Variants in SLC1A6 observed in about 807,000 individuals in gnomAD.
The protein encoded by SLC1A6 is excitatory amino acid transporter 4.
SLC1A6 carries 15 observed loss-of-function variants against 42.1 expected under a neutral mutation model. The observed-to-expected ratio is 0.36, with a 90% CI of 0.24 to 0.55. The LOEUF (loss-of-function observed/expected upper bound fraction) is 0.55. Ranked by LOEUF, SLC1A6 falls within the 20% of genes least tolerant of loss-of-function variation. SLC1A6 has a pLI of 0.88. For missense variants in SLC1A6, 542 were observed against 772.5 expected (o/e 0.70, Z 3.54); for synonymous variants, 317 against 319.7 (o/e 0.99, Z 0.09).
chr19:14,957,418 G>C (rs1032099033), intron 6 of SLC1A6, among the ~76,000 whole-genome samples: 4 of 152,146 alleles, frequency 2.6e-5, no homozygotes, highest in African/African-American at 9.7e-5. Context: ...AGGTGATTAG[G>C]TCATGAGGGT....
At chr19:15,004,040 C>T (rs2045884917) in intron 1 of SLC1A6, among the ~76,000 whole-genome samples, 1 of 152,044 alleles carries the variant, frequency 6.6e-6, no homozygotes, top group Admixed American at 6.6e-5. Context: ...CCTGTAGTCC[C>T]AGCTACTCAG....
At position 14,950,087 on chromosome 19, in the gene SLC1A6, A is replaced by G; in HGVS notation, c.*108T>C. Reference sequence around the variant, plus strand: ...TTTTCCCTCCCCCCTAAATGAGTCAAGCAGAACGTGTGTTCAGCCCACGGT... The same window carrying G: ...TTTTCCCTCCCCCCTAAATGAGTCAGGCAGAACGTGTGTTCAGCCCACGGT... On this transcript the variant is annotated 3_prime_UTR_variant, in exon 10 of 10. Transcript: ENST00000594383. The G allele has an allele frequency of 1.4e-6, 1 of 716,702 alleles. No individual in the cohort carries two copies. The highest frequency in any genetic ancestry group is 1.8e-5 in the African/African-American group (1 of 55,878). The allele number at this position is 716,702 out of a possible 1,614,324, so 44.4% of individuals were successfully genotyped here.
intron 3 of SLC1A6, among the ~76,000 whole-genome samples, chr19:14,971,279 A>G (rs2045637412): frequency 6.6e-6 from 1 of 152,112 alleles, no homozygotes; most frequent in Admixed American, 6.6e-5. Flanking sequence ...AGCCCTCTAA[A>G]GCAAAAGTTT....
intron 1 of SLC1A6, among the ~76,000 whole-genome samples, chr19:15,001,683 C>A (rs151245295): frequency 1.8e-3 from 273 of 152,054 alleles, no homozygotes; most frequent in African/African-American, 6.3e-3. Context: ...TTTCTTGAGA[C>A]AGGGTCTCAC....
intron 1 of SLC1A6, among the ~76,000 whole-genome samples, chr19:14,999,145 T>A (rs1800119060): frequency 6.6e-6 from 1 of 152,144 alleles, no homozygotes; most frequent in Non-Finnish European, 1.5e-5. Context: ...CCCAAAGTGC[T>A]GGGATTACAG....
chr19:14,991,381 T>C (rs2045819128), intron 1 of SLC1A6, among the ~76,000 whole-genome samples: 1 of 152,154 alleles, frequency 6.6e-6, no homozygotes, highest in Non-Finnish European at 1.5e-5. Flanking sequence ...TCCCAGCACT[T>C]TGGGAGGCCA....
At chr19:14,989,389 G>A (rs2045807912) in intron 1 of SLC1A6, among the ~76,000 whole-genome samples, 1 of 151,946 alleles carries the variant, frequency 6.6e-6, no homozygotes, top group African/African-American at 2.4e-5. Flanking sequence ...GGCCTCCCGA[G>A]TAGCTTGAAT....
At chr19:14,998,855 CATTTATTTATTTATTTATTT>C (rs56926151) in intron 1 of SLC1A6, among the ~76,000 whole-genome samples, 232 of 128,212 alleles carry the variant, frequency 1.8e-3, no homozygotes, top group Non-Finnish European at 3.0e-3. Flanking sequence ...TGATAAGAAA[CATTTATTTATTTATTTATTT>C]ATTTATTTAT....
intron 1 of SLC1A6, among the ~76,000 whole-genome samples, chr19:15,006,794 ATT>A (rs1318881877): frequency 1.3e-5 from 2 of 151,816 alleles, no homozygotes; most frequent in Admixed American, 6.6e-5. Context: ...AGAAAAGAAA[ATT>A]TAAAAATAAG....
chr19:14,992,281 G>A (rs550717310), intron 1 of SLC1A6, among the ~76,000 whole-genome samples: 19 of 152,216 alleles, frequency 1.2e-4, no homozygotes, highest in Admixed American at 8.5e-4. Flanking sequence ...CTTAGTCGCC[G>A]GTTTTTTGGT....
intron 1 of SLC1A6, among the ~76,000 whole-genome samples, chr19:14,988,973 C>G (rs1314227956): frequency 6.6e-6 from 1 of 152,110 alleles, no homozygotes; most frequent in Non-Finnish European, 1.5e-5. Context: ...GAGCCATGAT[C>G]GTGCCACTGC....
intron 9 of SLC1A6, among the ~76,000 whole-genome samples, chr19:14,951,268 A>AG (rs1346938193): frequency 3.7e-3 from 509 of 136,022 alleles, no homozygotes; most frequent in African/African-American, 0.012. Context: ...AAAAAAAAAA[A>AG]AAAAAAAAAA....
intron 1 of SLC1A6, among the ~76,000 whole-genome samples, chr19:15,007,354 G>A (rs1334254023): frequency 6.6e-6 from 1 of 152,172 alleles, no homozygotes; most frequent in Non-Finnish European, 1.5e-5. Flanking sequence ...CAGAGACAGG[G>A]AGCAGATGAG....
chr19:14,968,905 T>A lies in SLC1A6; in HGVS notation c.344-398A>T, dbSNP rs535475721. On this transcript the variant is annotated intron_variant, in intron 3 of 9. Transcript: ENST00000594383. The stretch of plus-strand genomic sequence containing the variant: ...CCCAGACTGGAGTGCAATGGTGCGA[T>A]CTCAGCTCAGTACAACCTCCATCTC... 3.9e-5 allele frequency among the ~76,000 whole-genome samples: 6 copies of A among 151,974 alleles called. No homozygotes were observed. The South Asian group carries it at 6.2e-4, about 16-fold the overall frequency.
intron 4 of SLC1A6, among the ~76,000 whole-genome samples, chr19:14,967,146 G>C (rs1334286743): frequency 1.3e-5 from 2 of 152,074 alleles, no homozygotes; most frequent in Non-Finnish European, 2.9e-5. Flanking sequence ...CCACCTTAAG[G>C]GTCATATCCT....
At chr19:15,004,539 C>CCAAAA (rs542370669) in intron 1 of SLC1A6, among the ~76,000 whole-genome samples, 1 of 120,500 alleles carries the variant, frequency 8.3e-6, no homozygotes, top group African/African-American at 3.2e-5. Context: ...CTCACCTCTA[C>CCAAAA]AAAAAAAAAA....
intron 5 of SLC1A6, among the ~76,000 whole-genome samples, chr19:14,963,456 C>T (rs2189664): frequency 0.72 from 109,854 of 152,036 alleles, 40,141 homozygotes; most frequent in African/African-American, 0.84. Flanking sequence ...TTTTAAGTGT[C>T]TTTATCTCAA....
At chr19:14,993,521 G>T (rs2145234153) in intron 1 of SLC1A6, among the ~76,000 whole-genome samples, 1 of 152,206 alleles carries the variant, frequency 6.6e-6, no homozygotes, top group Non-Finnish European at 1.5e-5. Flanking sequence ...TGTGCTTTCT[G>T]CCCGGCATTG....
chr19:14,983,285 A>G (rs542542481), upstream of SLC1A6, among the ~76,000 whole-genome samples: 1 of 152,164 alleles, frequency 6.6e-6, no homozygotes, highest in South Asian at 2.1e-4. Flanking sequence ...TCTAACTTTC[A>G]TGTTTTTTGT....
Sources: allele counts gnomAD v4.1 joint callset (sites outside exome capture counted in the v4.1 genomes callset), GRCh38; gene constraint gnomAD v4.1.1; transcripts MANE v1.5; gene names NCBI Gene and HGNC (gene_info 2026-07-23, HGNC 2026-07-21).